TOX3: variants seen among roughly 807,000 people sequenced by gnomAD.
TOX3 encodes CAG trinucleotide repeat-containing gene F9 protein.
A neutral mutation model predicts 64.3 loss-of-function variants in TOX3; 22 were observed. The observed-to-expected ratio is 0.34, with a 90% CI of 0.24 to 0.49. TOX3 has a LOEUF of 0.49. TOX3 is among the 20% of genes least tolerant of loss of function. The pLI is 0.99. For synonymous variants in TOX3, 291 were observed against 273.6 expected (o/e 1.06, Z -0.63); for missense variants, 661 against 714.4 (o/e 0.93, Z 0.85).
chr16:52,469,032 C>T (rs987797952), intron 1 of TOX3, among the ~76,000 whole-genome samples: 5 of 152,122 alleles, frequency 3.3e-5, no homozygotes, highest in Non-Finnish European at 7.4e-5. Context: ...ATTCCCAGGA[C>T]TCAAATTCTA....
At chr16:52,499,097 A>C (rs981035398) in intron 1 of TOX3, among the ~76,000 whole-genome samples, 2 of 152,226 alleles carry the variant, frequency 1.3e-5, no homozygotes, top group African/African-American at 4.8e-5. Flanking sequence ...AATGAATACC[A>C]ATGCAATATA....
At chr16:52,490,045 A>T (rs1365475343) in intron 1 of TOX3, among the ~76,000 whole-genome samples, 2 of 152,166 alleles carry the variant, frequency 1.3e-5, no homozygotes, top group South Asian at 4.1e-4. Context: ...CGTTGAATTG[A>T]TGACAGGTGT....
chr16:52,453,827 T>A (rs986564050), intron 3 of TOX3, among the ~76,000 whole-genome samples: 2 of 152,192 alleles, frequency 1.3e-5, no homozygotes, highest in East Asian at 3.9e-4. Flanking sequence ...CATCTGCAAT[T>A]TATGCCTTTA....
intron 1 of TOX3, among the ~76,000 whole-genome samples, chr16:52,514,218 T>C (rs1459433405): frequency 6.6e-6 from 1 of 152,252 alleles, no homozygotes; most frequent in East Asian, 1.9e-4. Context: ...AGTCAAATCC[T>C]GGCTTACTAG....
intron 1 of TOX3, among the ~76,000 whole-genome samples, chr16:52,518,703 G>A (rs1962520372): frequency 6.6e-6 from 1 of 152,144 alleles, no homozygotes; most frequent in Admixed American, 6.5e-5. Context: ...ATGGAACAGA[G>A]ATGAAGAATA....
At position 52,500,951 on chromosome 16, in the gene TOX3, T is replaced by A. The variant is rs923571565; in HGVS notation, c.88-32377A>T. On this transcript the variant is annotated intron_variant, in intron 1 of 6. Transcript: ENST00000219746. The stretch of plus-strand genomic sequence containing the variant: ...CTAACAACTGTGTGAGTCTGAAGTC[T>A]TAAGTGCTAAATAAGTAGTCTCCAA... 4.3e-4 allele frequency among the ~76,000 whole-genome samples: 66 copies of A among 152,242 alleles called. 1 individual carries two copies. Among genetic ancestry groups the A allele is most frequent in the Admixed American group, 1.3e-4 (2 of 15,286 alleles).
At chr16:52,472,724 A>G (rs1961084341) in intron 1 of TOX3, among the ~76,000 whole-genome samples, 1 of 152,210 alleles carries the variant, frequency 6.6e-6, no homozygotes, top group South Asian at 2.1e-4. Context: ...ATATACAAAC[A>G]TTATTAAAGA....
intron 1 of TOX3, among the ~76,000 whole-genome samples, chr16:52,521,488 A>C (rs1239693512): frequency 6.6e-6 from 1 of 152,162 alleles, no homozygotes; most frequent in Non-Finnish European, 1.5e-5. Context: ...ACAGGGGTCC[A>C]GGAAGTGCTT....
intron 3 of TOX3, among the ~76,000 whole-genome samples, chr16:52,450,981 A>T (rs1392925260): frequency 6.6e-6 from 1 of 152,228 alleles, no homozygotes; most frequent in Non-Finnish European, 1.5e-5. Context: ...CTCATCCATT[A>T]GTTTACCATC....
intron 1 of TOX3, 27 bp downstream of exon 1, chr16:52,546,610 C>G: frequency 1.3e-6 from 2 of 1,530,636 alleles, no homozygotes; most frequent in Non-Finnish European, 1.8e-6. Flanking sequence ...GCCCCCGCCC[C>G]CCGGCCCACC....
At chr16:52,490,064 G>A (rs182923493) in intron 1 of TOX3, among the ~76,000 whole-genome samples, 44 of 152,248 alleles carry the variant, frequency 2.9e-4, no homozygotes, top group South Asian at 1.9e-3. Flanking sequence ...GTAAGCTACC[G>A]CGCCCAGCAT....
intron 2 of TOX3, among the ~76,000 whole-genome samples, chr16:52,467,953 T>C (rs1244863321): frequency 6.6e-6 from 1 of 152,158 alleles, no homozygotes; most frequent in Non-Finnish European, 1.5e-5. Flanking sequence ...ATTCTATAAA[T>C]ATTTATTGAG....
chr16:52,509,050 A>C lies in TOX3; in HGVS notation c.87+37587T>G, dbSNP rs540374614. 8.5e-5 allele frequency among the ~76,000 whole-genome samples: 13 copies of C among 152,272 alleles called. No individual in the cohort carries two copies. In the East Asian group the frequency reaches 2.3e-3, roughly 27 times the overall value. The stretch of plus-strand genomic sequence containing the variant: ...TATTATTTATTACCCCAGGAAGATA[A>C]ATTTTAGGAAGTTTCTACTTTGAGT... On this transcript the variant is annotated intron_variant, in intron 1 of 6. Coordinates refer to ENST00000219746, the MANE Select transcript of TOX3 (RefSeq NM_001080430.4).
At chr16:52,534,111 T>G (rs980398654) in intron 1 of TOX3, among the ~76,000 whole-genome samples, 1 of 152,262 alleles carries the variant, frequency 6.6e-6, no homozygotes, top group Non-Finnish European at 1.5e-5. Context: ...GAATATCCAT[T>G]GTGGACAATG....
intron 1 of TOX3, among the ~76,000 whole-genome samples, chr16:52,470,438 A>AT (rs897801868): frequency 1.1e-4 from 17 of 152,058 alleles, no homozygotes; most frequent in Admixed American, 4.6e-4. Flanking sequence ...ATCACAGAGT[A>AT]TTTTTTTTAA....
chr16:52,518,434 A>C (rs1366639870), intron 1 of TOX3, among the ~76,000 whole-genome samples: 1 of 152,246 alleles, frequency 6.6e-6, no homozygotes, highest in African/African-American at 2.4e-5. Flanking sequence ...TGAATGGCCT[A>C]TTCAGGGATA....
chr16:52,444,556 C>T, intron 5 of TOX3, 200 bp from the exon 6 acceptor site: 1 of 400,356 alleles, frequency 2.5e-6, no homozygotes, highest in Middle Eastern at 6.5e-4. Flanking sequence ...CAAAACAGAA[C>T]CCTGCCACCC....
intron 1 of TOX3, among the ~76,000 whole-genome samples, chr16:52,485,346 G>T (rs1031003669): frequency 1.3e-5 from 2 of 150,946 alleles, no homozygotes; most frequent in Non-Finnish European, 2.9e-5. Flanking sequence ...CATAGATAGA[G>T]CTGGAGGCCA....
chr16:52,450,605 T>C, intron 3 of TOX3, 59 bp from the exon 4 acceptor site: 1 of 1,603,114 alleles, frequency 6.2e-7, no homozygotes, highest in Non-Finnish European at 8.5e-7. Context: ...TCAGTGAACT[T>C]ATCAGGTTAG....
Sources: allele counts gnomAD v4.1 joint callset (sites outside exome capture counted in the v4.1 genomes callset), GRCh38; gene constraint gnomAD v4.1.1; transcripts MANE v1.5; gene names NCBI Gene and HGNC (gene_info 2026-07-23, HGNC 2026-07-21).